GADL1: variants seen among roughly 807,000 people sequenced by gnomAD.
GADL1 encodes GAD like acidic amino acid decarboxylase 1.
In GADL1, 71 loss-of-function variants were observed where a neutral mutation model predicts 69.5. The observed-to-expected ratio is 1.02, with a 90% CI of 0.84 to 1.25. The LOEUF is 1.25. GADL1 is among the 50% of genes most tolerant of loss of function. The probability of loss-of-function intolerance (pLI) is 0.00; values close to 1 mark genes in which losing one functional copy is unlikely to be tolerated. For missense variants in GADL1, 737 were observed against 631.8 expected, an observed-to-expected ratio of 1.17 and a Z score of -1.79; for synonymous variants, 254 against 214.4, an observed-to-expected ratio of 1.18 and a Z score of -1.62.
rs1170062701 is a variant in GADL1, at chr3:30,728,257, C to T, written c.1551G>A (p.Leu517=). 3.7e-6 allele frequency: 6 copies of T among 1,613,710 alleles called. No individual in the cohort carries two copies. Among genetic ancestry groups the T allele is most frequent in the South Asian group, 2.2e-5 (2 of 91,060 alleles). Residue 517 remains leucine, a synonymous_variant, in exon 15 of 15, where the codon CTG becomes CTA. Coordinates refer to ENST00000282538, the MANE Select transcript of GADL1 (RefSeq NM_207359.3). ...MDFLLDEIDL[L]GKDM Reference sequence around the variant, plus strand: ...AAAGCCACAGCTACATGTCTTTACCCAGTAAGTCTATCTCATCCAGGAGGA... The same window carrying T: ...AAAGCCACAGCTACATGTCTTTACCTAGTAAGTCTATCTCATCCAGGAGGA...
chr3:30,742,635 C>T (rs908132330), intron 14 of GADL1, among the ~76,000 whole-genome samples: 2 of 151,962 alleles, frequency 1.3e-5, no homozygotes, highest in African/African-American at 4.8e-5. Context: ...CTGGTACTCT[C>T]AGAACATCAT....
At chr3:30,887,473 C>A (rs1410245922) in intron 1 of GADL1, among the ~76,000 whole-genome samples, 1 of 152,154 alleles carries the variant, frequency 6.6e-6, no homozygotes, top group African/African-American at 2.4e-5. Flanking sequence ...GCACTCTCAG[C>A]CCCTTCGCCA....
intron 12 of GADL1, chr3:30,799,443 C>T (rs1381565158): frequency 6.6e-6 from 1 of 152,248 alleles, no homozygotes; most frequent in Non-Finnish European, 1.5e-5. Flanking sequence ...GGCACCAAGT[C>T]TGTAGGCTGC....
At chr3:30,878,003 A>C (rs1025782324) in intron 1 of GADL1, among the ~76,000 whole-genome samples, 2 of 151,918 alleles carry the variant, frequency 1.3e-5, no homozygotes, top group African/African-American at 4.8e-5. Context: ...AATTCCAAGT[A>C]TGATTTGATC....
At chr3:30,872,623 T>C (rs943077727) in intron 1 of GADL1, among the ~76,000 whole-genome samples, 17 of 151,984 alleles carry the variant, frequency 1.1e-4, no homozygotes, top group African/African-American at 4.1e-4. Flanking sequence ...GTCTTGGTGA[T>C]ACTGTCAGTT....
At chr3:30,827,800 G>A (rs1371918656) in intron 11 of GADL1, among the ~76,000 whole-genome samples, 1 of 151,844 alleles carries the variant, frequency 6.6e-6, no homozygotes, top group Non-Finnish European at 1.5e-5. Flanking sequence ...TTTGCCAAAA[G>A]GTCTGGGAAG....
At chr3:30,877,826 A>C (rs1477621325) in intron 1 of GADL1, among the ~76,000 whole-genome samples, 1 of 151,960 alleles carries the variant, frequency 6.6e-6, no homozygotes, top group Non-Finnish European at 1.5e-5. Flanking sequence ...GTATTACCAT[A>C]TAGATTTTAA....
At chr3:30,753,738 CTTAA>C (rs1191279194) in intron 14 of GADL1, among the ~76,000 whole-genome samples, 1 of 149,228 alleles carries the variant, frequency 6.7e-6, no homozygotes, top group Non-Finnish European at 1.5e-5. Flanking sequence ...TAAATGAAAA[CTTAA>C]TTTGCTTTTT....
rs557380221 is a variant in GADL1 at position 30,856,997 on chromosome 3, G to C, written c.337+18C>G. 1.0e-4 allele frequency: 162 copies of C among 1,543,408 alleles called. No homozygotes were observed. The African/African-American group carries it at 1.8e-3, about 17-fold the overall frequency. On this transcript the variant is annotated intron_variant, in intron 3 of 14. Coordinates refer to ENST00000282538, the MANE Select transcript of GADL1 (RefSeq NM_207359.3). ...CTTGTCAGAGGTACAGATCAAGGAA[G>C]TAAATTAAAGTTCTTACTAGTTTTG...
At chr3:30,731,269 G>A (rs1439892752) in intron 14 of GADL1, among the ~76,000 whole-genome samples, 1 of 152,182 alleles carries the variant, frequency 6.6e-6, no homozygotes. Context: ...GCTCTGGCTT[G>A]TAGCCAATTT....
chr3:30,749,998 G>A (rs1483427676), intron 14 of GADL1, among the ~76,000 whole-genome samples: 4 of 152,168 alleles, frequency 2.6e-5, no homozygotes, highest in African/African-American at 7.2e-5. Flanking sequence ...ACAAAGGTCA[G>A]ATTTTGCTGT....
chr3:30,767,992 T>G (rs2125490108), intron 14 of GADL1, among the ~76,000 whole-genome samples: 1 of 151,112 alleles, frequency 6.6e-6, no homozygotes, highest in African/African-American at 2.4e-5. Flanking sequence ...ATGTGCAAAA[T>G]AAACTTGAGA....
chr3:30,757,322 T>C (rs1253278142), intron 14 of GADL1, among the ~76,000 whole-genome samples: 1 of 151,966 alleles, frequency 6.6e-6, no homozygotes, highest in Non-Finnish European at 1.5e-5. Context: ...AATCAGCTGA[T>C]AAAGGCAGGA....
chr3:30,770,456 T>C (rs1696391568), intron 14 of GADL1, among the ~76,000 whole-genome samples: 1 of 152,236 alleles, frequency 6.6e-6, no homozygotes. Context: ...GAGAATAGTA[T>C]ACTCATGCCT....
intron 11 of GADL1, among the ~76,000 whole-genome samples, chr3:30,829,727 G>T (rs1022298287): frequency 2.0e-5 from 3 of 151,908 alleles, no homozygotes; most frequent in Non-Finnish European, 4.4e-5. Flanking sequence ...ATAGATATTA[G>T]TGGGTTTTTT....
At chr3:30,818,407 C>T (rs1035155930) in intron 11 of GADL1, among the ~76,000 whole-genome samples, 7 of 152,126 alleles carry the variant, frequency 4.6e-5, no homozygotes, top group African/African-American at 1.7e-4. Context: ...ACTTCTAATG[C>T]ATAATATTTA....
chr3:30,777,895 A>T (rs1696572840), intron 14 of GADL1, among the ~76,000 whole-genome samples: 1 of 152,200 alleles, frequency 6.6e-6, no homozygotes, highest in Admixed American at 6.5e-5. Context: ...ACACAACTTT[A>T]ACCTTGTGTC....
At chr3:30,791,867 G>C (rs1696927885) in intron 12 of GADL1, among the ~76,000 whole-genome samples, 1 of 152,116 alleles carries the variant, frequency 6.6e-6, no homozygotes, top group Non-Finnish European at 1.5e-5. Context: ...GGATCTGATG[G>C]TTTAATAAAG....
intron 13 of GADL1, among the ~76,000 whole-genome samples, chr3:30,785,186 T>C (rs1183082435): frequency 6.6e-6 from 1 of 152,042 alleles, no homozygotes; most frequent in East Asian, 1.9e-4. Context: ...ATGAACATGT[T>C]TTATTGTTTT....
Sources: allele counts gnomAD v4.1 joint callset (sites outside exome capture counted in the v4.1 genomes callset), GRCh38; gene constraint gnomAD v4.1.1; transcripts MANE v1.5; gene names NCBI Gene and HGNC (gene_info 2026-07-23, HGNC 2026-07-21).